The following CENPW variants were observed in gnomAD, a reference collection of about 807,000 sequenced individuals.
CENPW encodes the protein cancer-up-regulated gene 2 protein.
In CENPW, 3 loss-of-function variants were observed where a neutral mutation model predicts 11.1. The ratio of observed to expected loss-of-function variants is 0.27; its 90% CI spans 0.12 to 0.70. The LOEUF (loss-of-function observed/expected upper bound fraction) is 0.70, where lower values mean the gene tolerates loss of function less well. Among genes scored for constraint, CENPW ranks in the 30% least tolerant of loss-of-function variants. The pLI, the probability that CENPW is intolerant of heterozygous loss-of-function variation, is 0.77. For synonymous variants in CENPW, 38 were observed against 42.0 expected, an observed-to-expected ratio of 0.91 and a Z score of 0.37; for missense variants, 100 against 105.6, an observed-to-expected ratio of 0.95 and a Z score of 0.23.
the CENPW span, among the ~76,000 whole-genome samples, chr6:126,455,381 C>G: frequency 6.6e-6 from 1 of 151,142 alleles, no homozygotes; most frequent in Admixed American, 6.6e-5. Context: ...GGTGGATTTG[C>G]GTCACTTTAC....
At chr6:126,394,706 T>G in the CENPW span, among the ~76,000 whole-genome samples, 1 of 152,272 alleles carries the variant, frequency 6.6e-6, no homozygotes, top group Non-Finnish European at 1.5e-5. Context: ...TAGCATTTCT[T>G]GTCAGACAAG....
chr6:126,442,899 C>CT, the CENPW span, among the ~76,000 whole-genome samples: 112 of 150,878 alleles, frequency 7.4e-4, 1 homozygote, highest in East Asian at 3.1e-3. Flanking sequence ...GTTTGACATA[C>CT]TTTTTTTTAG....
At chr6:126,406,048 G>T in the CENPW span, among the ~76,000 whole-genome samples, 1 of 152,068 alleles carries the variant, frequency 6.6e-6, no homozygotes, top group South Asian at 2.1e-4. Flanking sequence ...TAGAGGAAAA[G>T]CTTTTAACAT....
chr6:126,381,809 G>A, the CENPW span, among the ~76,000 whole-genome samples: 20 of 152,236 alleles, frequency 1.3e-4, no homozygotes, highest in African/African-American at 4.8e-4. Context: ...TCCTAACCTC[G>A]AGGAGTCAGA....
the CENPW span, among the ~76,000 whole-genome samples, chr6:126,433,881 C>T: frequency 2.6e-5 from 4 of 152,008 alleles, no homozygotes; most frequent in African/African-American, 9.6e-5. Context: ...CACTCTAATC[C>T]TTTGCTATTT....
chr6:126,343,283 C>G (rs1008613558), intron 1 of CENPW, among the ~76,000 whole-genome samples: 2 of 152,238 alleles, frequency 1.3e-5, no homozygotes, highest in Middle Eastern at 3.4e-3. Context: ...TAAGCCTTAG[C>G]GCATTGGAGT....
At chr6:126,433,742 C>T in the CENPW span, among the ~76,000 whole-genome samples, 6 of 151,902 alleles carry the variant, frequency 3.9e-5, no homozygotes, top group Non-Finnish European at 7.4e-5. Context: ...TTTGGGAAAA[C>T]GCACAAAATA....
the CENPW span, among the ~76,000 whole-genome samples, chr6:126,388,514 C>T: frequency 1.1e-4 from 16 of 151,972 alleles, no homozygotes; most frequent in Non-Finnish European, 2.2e-4. Flanking sequence ...ATGGATAACA[C>T]ACAGGACATT....
the CENPW span, among the ~76,000 whole-genome samples, chr6:126,413,943 T>G: frequency 6.6e-6 from 1 of 151,924 alleles, no homozygotes; most frequent in East Asian, 1.9e-4. Flanking sequence ...CTGGTAAAGA[T>G]GTGTATAGAT....
chr6:126,363,635 G>T, the CENPW span, among the ~76,000 whole-genome samples: 1 of 152,186 alleles, frequency 6.6e-6, no homozygotes, highest in African/African-American at 2.4e-5. Context: ...TCATGTTTCT[G>T]GTAGCAGTTA....
the CENPW span, among the ~76,000 whole-genome samples, chr6:126,365,750 C>T: frequency 2.6e-5 from 4 of 152,092 alleles, no homozygotes; most frequent in African/African-American, 9.7e-5. Flanking sequence ...TACTGTTTAG[C>T]GATTTTTCTG....
the CENPW span, among the ~76,000 whole-genome samples, chr6:126,447,037 A>G: frequency 6.6e-6 from 1 of 151,202 alleles, no homozygotes; most frequent in Non-Finnish European, 1.5e-5. Flanking sequence ...AATTTGTAAC[A>G]GCTGAGGCCT....
chr6:126,402,731 T>C, the CENPW span, among the ~76,000 whole-genome samples: 140 of 152,242 alleles, frequency 9.2e-4, no homozygotes, highest in Non-Finnish European at 1.9e-3. Context: ...TGTATGGATA[T>C]ACCACATTTT....
the CENPW span, among the ~76,000 whole-genome samples, chr6:126,459,729 G>C: frequency 3.3e-5 from 5 of 151,468 alleles, no homozygotes; most frequent in Non-Finnish European, 7.4e-5. Flanking sequence ...AGCTGCATTG[G>C]AAAGAAAATT....
At chr6:126,474,072 A>T in the CENPW span, among the ~76,000 whole-genome samples, 12 of 149,840 alleles carry the variant, frequency 8.0e-5, no homozygotes, top group South Asian at 2.5e-3. Context: ...TGAGAGTAGA[A>T]TATATTTCAT....
At chr6:126,368,319 G>A in the CENPW span, among the ~76,000 whole-genome samples, 1 of 152,148 alleles carries the variant, frequency 6.6e-6, no homozygotes, top group Admixed American at 6.5e-5. Context: ...TGGAGAGAGT[G>A]AGGTTTGTTT....
At chr6:126,410,379 TC>T in the CENPW span, among the ~76,000 whole-genome samples, 3 of 152,060 alleles carry the variant, frequency 2.0e-5, no homozygotes, top group Non-Finnish European at 2.9e-5. Context: ...AGTAAGGATT[TC>T]CTTATATATG....
At chr6:126,410,530 G>T in the CENPW span, among the ~76,000 whole-genome samples, 4 of 151,892 alleles carry the variant, frequency 2.6e-5, no homozygotes, top group Non-Finnish European at 4.4e-5. Context: ...GGTTATGGAT[G>T]TCCAAATTTC....
the CENPW span, among the ~76,000 whole-genome samples, chr6:126,392,115 T>C: frequency 6.6e-6 from 1 of 152,000 alleles, no homozygotes; most frequent in Non-Finnish European, 1.5e-5. Context: ...ACATGAAATA[T>C]CTTTCCATTT....
Sources: gnomAD v4.1 joint callset for allele counts (sites outside exome capture counted in the v4.1 genomes callset) on GRCh38, gnomAD v4.1.1 for gene constraint, MANE v1.5 for transcripts, NCBI Gene and HGNC (gene_info 2026-07-23, HGNC 2026-07-21) for gene names.